Variants in KCNH8 observed in about 807,000 individuals in gnomAD.
The protein encoded by KCNH8 is voltage-gated delayed rectifier potassium channel KCNH8.
A neutral mutation model predicts 103.6 loss-of-function variants in KCNH8; 70 were observed. The observed-to-expected ratio is 0.68, with a 90% CI of 0.56 to 0.82. The LOEUF is 0.82. Ranked by LOEUF, KCNH8 falls within the 40% of genes least tolerant of loss-of-function variation. KCNH8 has a pLI of 0.00. For missense variants in KCNH8, 1,217 were observed against 1,329.9 expected (o/e 0.92, Z 1.32); for synonymous variants, 498 against 489.4 (o/e 1.02, Z -0.23).
chr3:19,238,964 G>C (rs1177051664), intron 1 of KCNH8, among the ~76,000 whole-genome samples: 1 of 152,096 alleles, frequency 6.6e-6, no homozygotes, highest in Non-Finnish European at 1.5e-5. Context: ...CCCAGAAAAC[G>C]TATGTAATTA....
chr3:19,350,363 G>A (rs1025219832), intron 5 of KCNH8, among the ~76,000 whole-genome samples: 1 of 152,050 alleles, frequency 6.6e-6, no homozygotes, highest in African/African-American at 2.4e-5. Context: ...CTGTCTGACA[G>A]CTTTGAAGAG....
Position 19,450,298 on chromosome 3 carries a change from C to A in KCNH8, c.1568C>A (p.Ser523Ter). 1 of 1,610,018 alleles carries A rather than the reference C, an allele frequency of 6.2e-7. No homozygotes were observed. Among genetic ancestry groups the A allele is most frequent in the South Asian group, 1.1e-5 (1 of 90,994 alleles). The change falls in exon 9 of 16, where the codon TCA becomes TAA. Residue 523 changes from serine (S) to a stop codon, truncating the protein, a stop_gained. Transcript: ENST00000328405. LOFTEE classifies it high-confidence loss of function. ...TGGTCAGTCAACAATGGAATAGATT[C>A]AAATGAGGTAATGTTCATTTCTCAT... ...TTWSVNNGID[S>*]NELLKDFPDE...
chr3:19,509,877 A>T (rs1441489802), intron 11 of KCNH8, among the ~76,000 whole-genome samples: 1 of 152,232 alleles, frequency 6.6e-6, no homozygotes, highest in Non-Finnish European at 1.5e-5. Flanking sequence ...GTGAATAAAT[A>T]GAAGTAATGA....
chr3:19,215,321 T>C lies in KCNH8; in HGVS notation c.77-38333T>C, dbSNP rs182618308. 6.2e-4 allele frequency among the ~76,000 whole-genome samples: 94 copies of C among 152,318 alleles called. No homozygotes were observed. The East Asian group carries it at 0.011, about 18-fold the overall frequency. ...GCCATAACAGTTTATTTATAATTTC[T>C]GGCACCACACACTAGCACTTATTGG... On this transcript the variant is annotated intron_variant, in intron 1 of 15. Transcript: ENST00000328405.
chr3:19,250,254 G>GA (rs914709081), intron 1 of KCNH8, among the ~76,000 whole-genome samples: 37 of 147,458 alleles, frequency 2.5e-4, no homozygotes, highest in East Asian at 4.0e-4. Context: ...TTCAAAAAAA[G>GA]AAAAAAAAAT....
At chr3:19,378,302 A>G (rs150167693) in intron 5 of KCNH8, among the ~76,000 whole-genome samples, 114 of 152,364 alleles carry the variant, frequency 7.5e-4, no homozygotes, top group Middle Eastern at 6.8e-3. Flanking sequence ...CATTCCAGCT[A>G]CAATCCTATT....
intron 8 of KCNH8, among the ~76,000 whole-genome samples, chr3:19,445,156 C>G (rs1413244393): frequency 6.6e-6 from 1 of 151,960 alleles, no homozygotes; most frequent in African/African-American, 2.4e-5. Context: ...AAATGAACTA[C>G]TATGTCATGG....
chr3:19,270,225 C>T (rs988889134), intron 2 of KCNH8, among the ~76,000 whole-genome samples: 1 of 152,122 alleles, frequency 6.6e-6, no homozygotes, highest in Non-Finnish European at 1.5e-5. Context: ...ACCATATGCT[C>T]TGTAAAGCCA....
chr3:19,267,439 A>G (rs562180342), intron 2 of KCNH8, among the ~76,000 whole-genome samples: 3 of 152,108 alleles, frequency 2.0e-5, no homozygotes, highest in Non-Finnish European at 4.4e-5. Flanking sequence ...ACTTTGCAGG[A>G]TGTTCGAAGG....
At chr3:19,208,832 TAGAAA>T (rs1380282304) in intron 1 of KCNH8, among the ~76,000 whole-genome samples, 1 of 151,888 alleles carries the variant, frequency 6.6e-6, no homozygotes, top group Non-Finnish European at 1.5e-5. Context: ...TCTTTATGGG[TAGAAA>T]AGACGGGAAA....
chr3:19,214,319 G>C (rs1479052851), intron 1 of KCNH8, among the ~76,000 whole-genome samples: 4 of 152,132 alleles, frequency 2.6e-5, no homozygotes, highest in Non-Finnish European at 5.9e-5. Flanking sequence ...ATCCGGATTG[G>C]ATCCAGATTG....
chr3:19,307,811 T>G (rs1451712638), intron 3 of KCNH8, among the ~76,000 whole-genome samples: 1 of 151,896 alleles, frequency 6.6e-6, no homozygotes, highest in Non-Finnish European at 1.5e-5. Flanking sequence ...AAACAGTATG[T>G]GTTCTCACTC....
At chr3:19,452,002 C>T (rs2067455408) in intron 10 of KCNH8, among the ~76,000 whole-genome samples, 1 of 152,090 alleles carries the variant, frequency 6.6e-6, no homozygotes, top group African/African-American at 2.4e-5. Context: ...AATTGGTCTT[C>T]ATTGAAATAT....
At chr3:19,284,102 A>G (rs2064794954) in intron 3 of KCNH8, among the ~76,000 whole-genome samples, 1 of 152,144 alleles carries the variant, frequency 6.6e-6, no homozygotes, top group Non-Finnish European at 1.5e-5. Context: ...TTTGATTATT[A>G]AAATGTCACC....
intron 5 of KCNH8, among the ~76,000 whole-genome samples, chr3:19,348,910 G>GT (rs1018404488): frequency 1.1e-4 from 16 of 151,884 alleles, no homozygotes; most frequent in African/African-American, 2.4e-4. Context: ...TTTTTTGTGT[G>GT]TTTTTTTGGT....
intron 7 of KCNH8, among the ~76,000 whole-genome samples, chr3:19,405,377 TG>T (rs920524827): frequency 6.6e-4 from 100 of 151,998 alleles, no homozygotes; most frequent in African/African-American, 2.3e-3. Context: ...TATCTAATAA[TG>T]TTTGATAAGT....
rs547926212 is a variant in KCNH8, at chr3:19,245,162, T to G, written c.77-8492T>G. On this transcript the variant is annotated intron_variant, in intron 1 of 15. Coordinates refer to ENST00000328405, the MANE Select transcript of KCNH8 (RefSeq NM_144633.3). ...GGTGACTGGTAGGGGTACAATTTCT[T>G]TCTTCTGCATATGGCTAACCAGTTA... Among the ~76,000 whole-genome samples, 3 of 152,270 alleles carry G rather than the reference T, an allele frequency of 2.0e-5. No homozygotes were observed. The East Asian group carries it at 5.8e-4, about 29-fold the overall frequency.
At chr3:19,471,476 T>G (rs2067854709) in intron 11 of KCNH8, among the ~76,000 whole-genome samples, 1 of 152,166 alleles carries the variant, frequency 6.6e-6, no homozygotes, top group Non-Finnish European at 1.5e-5. Flanking sequence ...CAGGCTGGGT[T>G]AACAAAGCCA....
intron 15 of KCNH8, among the ~76,000 whole-genome samples, chr3:19,521,305 T>A (rs2068967432): frequency 6.6e-6 from 1 of 152,004 alleles, no homozygotes; most frequent in African/African-American, 2.4e-5. Flanking sequence ...GACAAATATT[T>A]AGATTCCTAT....
Sources: allele counts gnomAD v4.1 joint callset (sites outside exome capture counted in the v4.1 genomes callset), GRCh38; gene constraint gnomAD v4.1.1; transcripts MANE v1.5; gene names NCBI Gene and HGNC (gene_info 2026-07-23, HGNC 2026-07-21).